The following GALNT9 variants were observed in gnomAD, a reference collection of about 807,000 sequenced individuals.
The protein encoded by GALNT9 is polypeptide N-acetylgalactosaminyltransferase 9.
In GALNT9, 47 loss-of-function variants were observed where a neutral mutation model predicts 63.1. The ratio of observed to expected loss-of-function variants is 0.75; its 90% CI spans 0.59 to 0.95. GALNT9 has a LOEUF of 0.95. Ranked by LOEUF, GALNT9 falls within the 40% of genes least tolerant of loss-of-function variation. The pLI is 0.00. For synonymous variants in GALNT9, 396 were observed against 365.7 expected, an observed-to-expected ratio of 1.08 and a Z score of -0.94; for missense variants, 829 against 874.8, an observed-to-expected ratio of 0.95 and a Z score of 0.66.
chr12:132,221,761 C>T (rs1164072767), intron 6 of GALNT9, among the ~76,000 whole-genome samples: 9 of 151,218 alleles, frequency 6.0e-5, no homozygotes, highest in African/African-American at 1.5e-4. Context: ...GCTCTGTGAT[C>T]AGAGGAATTC....
chr12:132,231,181 C>T (rs1350846553), intron 6 of GALNT9, among the ~76,000 whole-genome samples: 3 of 59,736 alleles, frequency 5.0e-5, no homozygotes, highest in East Asian at 5.4e-4. Context: ...CTCGATGGGG[C>T]GACAGAGGAG....
In GALNT9 at chr12:132,238,382, G is replaced by A. The variant is rs2136896026; in HGVS notation, c.1077+9528C>T. Among the ~76,000 whole-genome samples the A allele has an allele frequency of 1.5e-4, 23 of 152,214 alleles. No individual in the cohort carries two copies. Among genetic ancestry groups the A allele is most frequent in the African/African-American group, 5.1e-4 (21 of 41,554 alleles). The stretch of plus-strand genomic sequence containing the variant: ...GGGCCGGGCAGGGGGACGTGGAGAC[G>A]GCGCACTCATAACCCTACTACGGCT... On this transcript the variant is annotated intron_variant, in intron 6 of 10. Transcript: ENST00000328957. The surrounding 1 kb of genome is among the most constrained non-coding windows in gnomAD (Gnocchi z 6.5).
intron 1 of GALNT9, among the ~76,000 whole-genome samples, chr12:132,292,800 C>T (rs893156635): frequency 2.0e-5 from 3 of 152,082 alleles, no homozygotes; most frequent in Non-Finnish European, 4.4e-5. Flanking sequence ...AGGGTGGAGT[C>T]GGTGAGACGG....
chr12:132,200,812 A>G (rs1354121868), intron 8 of GALNT9: 2 of 384,194 alleles, frequency 5.2e-6, no homozygotes, highest in African/African-American at 4.1e-5. Flanking sequence ...GGATGTGACT[A>G]CACACCTGCC....
rs1369720938 is a variant in GALNT9 at position 132,252,494 on chromosome 12, G to A, written c.960-4467C>T. Among the ~76,000 whole-genome samples the A allele has an allele frequency of 1.3e-5, 2 of 152,218 alleles. No individual in the cohort carries two copies. The highest frequency in any genetic ancestry group is 2.9e-5 in the Non-Finnish European group (2 of 68,044). ...AGGGCTTAGCGGGTGTTCTCCCCGT[G>A]TGCAGAGACAAGAGATTGTCAGAAA... is the stretch of plus-strand genomic sequence containing the variant. On this transcript the variant is annotated intron_variant, in intron 5 of 10. Coordinates refer to ENST00000328957, the MANE Select transcript of GALNT9 (RefSeq NM_001122636.2). The surrounding 1 kb of genome is among the most constrained non-coding windows in gnomAD (Gnocchi z 5.2).
chr12:132,267,833 A>G (rs1355709220), intron 2 of GALNT9, among the ~76,000 whole-genome samples: 1 of 149,784 alleles, frequency 6.7e-6, no homozygotes, highest in Admixed American at 6.6e-5. Flanking sequence ...ATGCAGTCAC[A>G]CACATGCATA....
At chr12:132,303,750 C>G (rs369231017) in intron 1 of GALNT9, among the ~76,000 whole-genome samples, 1 of 48,350 alleles carries the variant, frequency 2.1e-5, no homozygotes, top group Non-Finnish European at 4.1e-5. Flanking sequence ...CACCCTCACC[C>G]GGGCACACCC....
intron 1 of GALNT9, among the ~76,000 whole-genome samples, chr12:132,303,395 G>GCCCGGGCACAGAATCGCCCTCA: frequency 1.1e-5 from 1 of 93,318 alleles, no homozygotes; most frequent in East Asian, 3.0e-4. Flanking sequence ...GCACAGCCTC[G>GCCCGGGCACAGAATCGCCCTCA]CCCGGGCACA....
intron 1 of GALNT9, among the ~76,000 whole-genome samples, chr12:132,298,574 C>T (rs1881161560): frequency 6.6e-6 from 1 of 151,398 alleles, no homozygotes; most frequent in Non-Finnish European, 1.5e-5. Context: ...TGAGATAACC[C>T]ACTCCCATGA....
chr12:132,278,749 C>T (rs1555241447), intron 2 of GALNT9: 2 of 152,288 alleles, frequency 1.3e-5, no homozygotes, highest in African/African-American at 2.4e-5. Flanking sequence ...CGCTTGGGCT[C>T]GGGCAGGCAG....
In GALNT9 at chr12:132,199,334, C is replaced by T. The variant is rs781385391; in HGVS notation, c.1402-65G>A. On this transcript the variant is annotated intron_variant, in intron 8 of 10. Coordinates refer to ENST00000328957, the MANE Select transcript of GALNT9 (RefSeq NM_001122636.2). The stretch of plus-strand genomic sequence containing the variant: ...GAGGGTGCGGCCCCAGGGAGCTTCA[C>T]GCAGCCAGCTCTGCAGCCAGCACCT... 32 of 1,162,134 alleles carry T rather than the reference C, an allele frequency of 2.8e-5. No homozygotes were observed. The East Asian group carries it at 4.3e-4, about 16-fold the overall frequency. 72.0% of individuals were successfully genotyped at this position (1,162,134 alleles called of 1,614,324 possible).
chr12:132,314,513 C>G (rs1868413314), intron 1 of GALNT9, among the ~76,000 whole-genome samples: 1 of 152,158 alleles, frequency 6.6e-6, no homozygotes, highest in Admixed American at 6.5e-5. Context: ...TAGTGACTTG[C>G]CCGAGGTCAC....
intron 4 of GALNT9, among the ~76,000 whole-genome samples, chr12:132,258,355 T>C (rs1555239356): frequency 2.6e-5 from 4 of 152,196 alleles, no homozygotes; most frequent in Admixed American, 2.6e-4. Flanking sequence ...CAAATTGGAA[T>C]ACAATCATGA....
In GALNT9 at chr12:132,310,991, C is replaced by T. The variant is rs1211262759; in HGVS notation, c.238+17975G>A. ...TGGCAGCCCAAGACAGGGACTCGGC[C>T]GCAGCTAAAGTTTCCCATAATTGCG... On this transcript the variant is annotated intron_variant, in intron 1 of 10. Transcript: ENST00000328957. This position sits in a 1 kb window ranked among gnomAD's most constrained non-coding sequence, Gnocchi z 4.8. 6.6e-6 allele frequency among the ~76,000 whole-genome samples: 1 copy of T among 152,204 alleles called. No individual in the cohort carries two copies. The highest frequency in any genetic ancestry group is 1.5e-5 in the Non-Finnish European group (1 of 68,036).
At chr12:132,261,228 G>T in intron 3 of GALNT9, 106 bp from the exon 4 acceptor site, 2 of 1,499,818 alleles carry the variant, frequency 1.3e-6, no homozygotes, top group Non-Finnish European at 1.8e-6. Context: ...TGGGTGTATT[G>T]TAAACATTCT....
At chr12:132,294,836 C>T (rs568200163) in intron 1 of GALNT9, among the ~76,000 whole-genome samples, 36 of 152,318 alleles carry the variant, frequency 2.4e-4, no homozygotes, top group African/African-American at 4.6e-4. Flanking sequence ...TTTGCCTGTG[C>T]GGAAGGTTGC....
intron 6 of GALNT9, among the ~76,000 whole-genome samples, chr12:132,209,007 G>T (rs1876839648): frequency 6.6e-6 from 1 of 152,134 alleles, no homozygotes; most frequent in African/African-American, 2.4e-5. Flanking sequence ...TCCTGGTTTG[G>T]GTGACGATGC....
intron 6 of GALNT9, among the ~76,000 whole-genome samples, chr12:132,233,213 T>C (rs1262703515): frequency 8.5e-3 from 74 of 8,738 alleles, no homozygotes; most frequent in Admixed American, 0.014. Flanking sequence ...CAGCGTGGAG[T>C]CCCTAGTGCC....
At chr12:132,201,298 G>A in intron 7 of GALNT9, 37 bp from the exon 8 acceptor site, 2 of 1,492,936 alleles carry the variant, frequency 1.3e-6, no homozygotes, top group South Asian at 1.1e-5. Context: ...GTACATGGGT[G>A]TCACCATGAC....
Sources: allele counts gnomAD v4.1 joint callset (sites outside exome capture counted in the v4.1 genomes callset), GRCh38; gene constraint gnomAD v4.1.1; non-coding constraint Gnocchi (gnomAD v3.1); transcripts MANE v1.5; gene names NCBI Gene and HGNC (gene_info 2026-07-23, HGNC 2026-07-21).